CDC37L1: variants seen among roughly 807,000 people sequenced by gnomAD.
CDC37L1 encodes the protein hsp90 co-chaperone Cdc37-like 1.
In CDC37L1, 32 loss-of-function variants were observed where a neutral mutation model predicts 45.9. That is an observed-to-expected ratio of 0.70 (90% CI 0.53 to 0.94). The LOEUF is 0.94. CDC37L1 is among the 40% of genes least tolerant of loss of function. The pLI is 0.00. For missense variants in CDC37L1, 434 were observed against 405.7 expected, an observed-to-expected ratio of 1.07 and a Z score of -0.60; for synonymous variants, 150 against 133.0, an observed-to-expected ratio of 1.13 and a Z score of -0.88.
chr9:4,682,159 C>CTTTTTTTT lies in CDC37L1; in HGVS notation c.132+2261_132+2262insTTTTTTTT. The stretch of plus-strand genomic sequence containing the variant: ...TACTTTTCTTGATATATTATCCTTT[C>CTTTTTTTT]TCTTTTTTTTTTTTTTTTTTTGAGG... On this transcript the variant is annotated intron_variant, in intron 1 of 6. Coordinates refer to ENST00000381854, the MANE Select transcript of CDC37L1 (RefSeq NM_017913.4). 4.1e-5 allele frequency among the ~76,000 whole-genome samples: 2 copies of CTTTTTTTT among 48,466 alleles called. 1 individual carries two copies. The highest frequency in any genetic ancestry group is 7.3e-5 in the Non-Finnish European group (2 of 27,544). 31.8% of individuals were successfully genotyped at this position (48,466 alleles called of 152,430 possible).
At chr9:4,688,411 C>T (rs889106641) in intron 2 of CDC37L1, 102 bp from the exon 3 acceptor site, 85 of 640,134 alleles carry the variant, frequency 1.3e-4, no homozygotes, top group Admixed American at 4.5e-4. Context: ...TACTATACCA[C>T]ATATATTGTC....
In CDC37L1 at chr9:4,701,835, G is replaced by C. The variant is rs752971851; in HGVS notation, c.748-29G>C. 5.4e-6 allele frequency: 8 copies of C among 1,485,138 alleles called. No homozygotes were observed. The East Asian group carries it at 1.9e-4, about 35-fold the overall frequency. The allele number at this position is 1,485,138 out of a possible 1,614,324, so 92.0% of individuals were successfully genotyped here. A position where few individuals can be genotyped will look rare whatever the true frequency, so the allele number is the denominator to read the frequency against. ...ATGTCTAGAAATCTTGAAGAACACA[G>C]TCTTTGTTTTTTTTTTTGTTTTTTC... On this transcript the variant is annotated intron_variant, in intron 5 of 6. Coordinates refer to ENST00000381854, the MANE Select transcript of CDC37L1 (RefSeq NM_017913.4).
At chr9:4,698,081 T>C (rs1841364357) in intron 5 of CDC37L1, among the ~76,000 whole-genome samples, 1 of 152,208 alleles carries the variant, frequency 6.6e-6, no homozygotes, top group Non-Finnish European at 1.5e-5. Flanking sequence ...TACTACAGCA[T>C]GTATATGAAA....
chr9:4,680,981 G>A (rs1841187058), intron 1 of CDC37L1, among the ~76,000 whole-genome samples: 1 of 152,184 alleles, frequency 6.6e-6, no homozygotes, highest in African/African-American at 2.4e-5. Flanking sequence ...ACTTTGGCCA[G>A]CTAAGTCACT....
At chr9:4,701,799 T>C in intron 5 of CDC37L1, 65 bp from the exon 6 acceptor site, 11 of 1,270,106 alleles carry the variant, frequency 8.7e-6, no homozygotes, top group Non-Finnish European at 1.1e-5. Context: ...ATATGCTTTC[T>C]GGAATTTACT....
chr9:4,688,126 A>T (rs1371288488), intron 2 of CDC37L1, among the ~76,000 whole-genome samples: 1 of 152,186 alleles, frequency 6.6e-6, no homozygotes, highest in African/African-American at 2.4e-5. Context: ...CAGCCTCCCG[A>T]GTAGCCGGGA....
At position 4,701,996 on chromosome 9, in the gene CDC37L1, G is replaced by A. The variant is rs199661394; in HGVS notation, c.880G>A (p.Gly294Arg). The change falls in exon 6 of 7, where the codon GGA (glycine) becomes AGA (arginine). Residue 294 changes from glycine (G) to arginine (R), a missense_variant. By Grantham distance (125) the Gly-to-Arg change is moderately radical. Transcript: ENST00000381854. ...VQNHVPHSGV[G>R]SIGLLESLPQ... ...GAATCATGTTCCCCATTCTGGTGTTGGATCTATAGGTTTATTAGAATCCTT... is the reference window on the plus strand; with the variant it reads ...GAATCATGTTCCCCATTCTGGTGTTAGATCTATAGGTTTATTAGAATCCTT... 1.4e-5 allele frequency: 21 copies of A among 1,509,274 alleles called. No homozygotes were observed. The highest frequency in any genetic ancestry group is 1.8e-5 in the Non-Finnish European group (20 of 1,131,214). 93.5% of individuals were successfully genotyped at this position (1,509,274 alleles called of 1,614,324 possible). A position where few individuals can be genotyped will look rare whatever the true frequency, so the allele number is the denominator to read the frequency against.
In CDC37L1 at chr9:4,684,959, C is replaced by T. The variant is rs1841232929; in HGVS notation, c.215C>T (p.Ala72Val). The T allele has an allele frequency of 6.2e-7, 1 of 1,613,616 alleles. No individual in the cohort carries two copies. Among genetic ancestry groups the T allele is most frequent in the Non-Finnish European group, 8.5e-7 (1 of 1,179,754 alleles). The change falls in exon 2 of 7, where the codon GCT becomes GTT. Residue 72 changes from alanine to valine, a missense_variant. Coordinates refer to ENST00000381854, the MANE Select transcript of CDC37L1 (RefSeq NM_017913.4). ...TCTGTGGCGTGCAAATGGAATCTTG[C>T]TGAAGCTCAACAGAAACTTGGTAGC... Reference protein sequence around the residue: ...KSSVACKWNLAEAQQKLGSLA... With the variant: ...KSSVACKWNLVEAQQKLGSLA...
intron 5 of CDC37L1, among the ~76,000 whole-genome samples, chr9:4,701,585 C>G (rs771525153): frequency 7.1e-6 from 1 of 141,422 alleles, no homozygotes; most frequent in East Asian, 1.9e-4. Flanking sequence ...ACAGAGAAAG[C>G]CTTCTTTTCT....
intron 1 of CDC37L1, among the ~76,000 whole-genome samples, chr9:4,681,155 T>C (rs1413466513): frequency 1.3e-5 from 2 of 152,208 alleles, no homozygotes; most frequent in Non-Finnish European, 2.9e-5. Context: ...GATGCCATTG[T>C]CAATTTTGAA....
intron 3 of CDC37L1, among the ~76,000 whole-genome samples, chr9:4,694,411 C>G (rs1033235282): frequency 2.6e-5 from 4 of 152,152 alleles, no homozygotes; most frequent in Admixed American, 1.3e-4. Flanking sequence ...ATTCCACACT[C>G]TTTCCACAAA....
At chr9:4,681,126 G>T (rs1841188901) in intron 1 of CDC37L1, among the ~76,000 whole-genome samples, 1 of 152,154 alleles carries the variant, frequency 6.6e-6, no homozygotes, top group Non-Finnish European at 1.5e-5. Flanking sequence ...TGCTAGGGAG[G>T]AAAGAAGAAT....
At chr9:4,697,039 C>A in intron 3 of CDC37L1, 57 bp from the exon 4 acceptor site, 1 of 751,750 alleles carries the variant, frequency 1.3e-6, no homozygotes, top group South Asian at 1.5e-5. Flanking sequence ...GGTATTTCTT[C>A]CCTTATGGGA....
chr9:4,682,329 A>ATTTTTGTTTTTTTTT (rs1841202724), intron 1 of CDC37L1, among the ~76,000 whole-genome samples: 1 of 92,856 alleles, frequency 1.1e-5, no homozygotes. Context: ...TGCCCAGCTA[A>ATTTTTGTTTTTTTTT]TTTTTTTTTT....
At position 4,697,878 on chromosome 9, in the gene CDC37L1, A is replaced by G. The variant is rs1485493585; in HGVS notation, c.746A>G (p.Lys249Arg). The G allele has an allele frequency of 1.9e-6, 3 of 1,613,126 alleles. No individual in the cohort carries two copies. The highest frequency in any genetic ancestry group is 2.5e-6 in the Non-Finnish European group (3 of 1,179,542). Residue 249 changes from lysine (K) to arginine (R), a missense_variant and splice_region_variant, in exon 5 of 7, where the codon AAA becomes AGA. Transcript: ENST00000381854. ...GCFRLFFQKA[K>R]AEEEGYFEAF... Reference sequence around the variant, plus strand: ...TTTCGTTTATTTTTCCAGAAAGCCAAAGTAAGTAGTTATTTGATATTGATA... The same window carrying G: ...TTTCGTTTATTTTTCCAGAAAGCCAGAGTAAGTAGTTATTTGATATTGATA...
At chr9:4,688,750 T>C (rs1841274012) in intron 3 of CDC37L1, 144 bp downstream of exon 3, 3 of 502,074 alleles carry the variant, frequency 6.0e-6, no homozygotes, top group Middle Eastern at 4.5e-4. Context: ...ATAGATCTTG[T>C]TTTAGAATTT....
chr9:4,687,905 C>T (rs1841264797), intron 2 of CDC37L1, among the ~76,000 whole-genome samples: 1 of 152,096 alleles, frequency 6.6e-6, no homozygotes, highest in South Asian at 2.1e-4. Context: ...TGTTTCTATA[C>T]CTGCTTTTAA....
intron 2 of CDC37L1, among the ~76,000 whole-genome samples, chr9:4,688,016 G>A (rs1841266169): frequency 6.6e-6 from 1 of 152,050 alleles, no homozygotes; most frequent in African/African-American, 2.4e-5. Context: ...ATTTTTTTGT[G>A]AGATGGAGTC....
At chr9:4,703,732 C>A (rs1305092663) in intron 6 of CDC37L1, among the ~76,000 whole-genome samples, 1 of 152,110 alleles carries the variant, frequency 6.6e-6, no homozygotes, top group Non-Finnish European at 1.5e-5. Context: ...CAAGAAGTTG[C>A]CTCTGGTTTG....
Sources: allele counts gnomAD v4.1 joint callset (sites outside exome capture counted in the v4.1 genomes callset), GRCh38; gene constraint gnomAD v4.1.1; transcripts MANE v1.5; gene names NCBI Gene and HGNC (gene_info 2026-07-23, HGNC 2026-07-21).